The following ZFPM1 variants were observed in gnomAD, a reference collection of about 807,000 sequenced individuals.
ZFPM1 encodes the protein zinc finger protein ZFPM1.
A neutral mutation model predicts 46.3 loss-of-function variants in ZFPM1; 28 were observed. The observed-to-expected ratio is 0.60, with a 90% CI of 0.45 to 0.83. ZFPM1 has a LOEUF of 0.83. Ranked by LOEUF, ZFPM1 falls within the 40% of genes least tolerant of loss-of-function variation. ZFPM1 has a pLI of 0.00. For missense variants in ZFPM1, 1,878 were observed against 1,432.4 expected (o/e 1.31, Z -5.02); for synonymous variants, 957 against 675.9 (o/e 1.42, Z -6.45).
intron 1 of ZFPM1, among the ~76,000 whole-genome samples, chr16:88,485,063 C>T (rs577344188): frequency 6.6e-6 from 1 of 152,302 alleles, no homozygotes; most frequent in South Asian, 2.1e-4. Context: ...AGGGTGTCAC[C>T]CCAGGGAGTT....
At chr16:88,483,989 C>A (rs1033004958) in intron 1 of ZFPM1, among the ~76,000 whole-genome samples, 1 of 152,226 alleles carries the variant, frequency 6.6e-6, no homozygotes, top group Non-Finnish European at 1.5e-5. Context: ...CTGAACCTGG[C>A]GTTGGACGCT....
At chr16:88,499,949 G>A (rs1381960978) in intron 3 of ZFPM1, among the ~76,000 whole-genome samples, 4 of 152,230 alleles carry the variant, frequency 2.6e-5, no homozygotes, top group Admixed American at 2.6e-4. Context: ...CGGAGCCCTG[G>A]GTCTCCAGCC....
At chr16:88,473,518 G>T (rs1224006648) in intron 1 of ZFPM1, among the ~76,000 whole-genome samples, 1 of 152,210 alleles carries the variant, frequency 6.6e-6, no homozygotes. Context: ...GCTGCCCCGG[G>T]GTCTGGGTGC....
Position 88,471,027 on chromosome 16 carries a change from G to A in ZFPM1, c.41-14912G>A, listed in dbSNP as rs896050817. Reference sequence around the variant, plus strand: ...TCACCCGGTGGGGTCCAGCCTCCGCGACAGGCATTCCCTTCCCCGTGTGCC... The same window carrying A: ...TCACCCGGTGGGGTCCAGCCTCCGCAACAGGCATTCCCTTCCCCGTGTGCC... On this transcript the variant is annotated intron_variant, in intron 1 of 9. Coordinates refer to ENST00000319555, the MANE Select transcript of ZFPM1 (RefSeq NM_153813.3). This position sits in a 1 kb window ranked among gnomAD's most constrained non-coding sequence, Gnocchi z 4.1. Among the ~76,000 whole-genome samples, 19 of 152,270 alleles carry A rather than the reference G, an allele frequency of 1.2e-4. No individual in the cohort carries two copies. In the East Asian group the frequency reaches 3.7e-3, roughly 29 times the overall value.
chr16:88,516,651 A>C (rs1317450996), intron 4 of ZFPM1: 1 of 398,500 alleles, frequency 2.5e-6, no homozygotes, highest in African/African-American at 2.1e-5. Flanking sequence ...CCGATACTTC[A>C]TTTATTGTCT....
intron 3 of ZFPM1, among the ~76,000 whole-genome samples, chr16:88,507,603 G>A (rs890778736): frequency 6.6e-6 from 1 of 152,240 alleles, no homozygotes; most frequent in Non-Finnish European, 1.5e-5. Context: ...CATAGCCTGG[G>A]TTGGGTCTTG....
intron 4 of ZFPM1, among the ~76,000 whole-genome samples, chr16:88,520,520 G>A (rs1319095814): frequency 6.6e-6 from 1 of 150,420 alleles, no homozygotes; most frequent in Non-Finnish European, 1.5e-5. Flanking sequence ...ATAGATGAAT[G>A]GATGAATGAA....
In ZFPM1 at chr16:88,535,113, G is replaced by T; in HGVS notation, c.*134G>T. 1 of 1,132,692 alleles carries T rather than the reference G, an allele frequency of 8.8e-7. No homozygotes were observed. Among genetic ancestry groups the T allele is most frequent in the Non-Finnish European group, 1.1e-6 (1 of 872,600 alleles). 70.2% of individuals were successfully genotyped at this position (1,132,692 alleles called of 1,614,324 possible). ...GCCTCGGCGGAGGGGGCCGCAGGGG[G>T]CAGCGCCCGCCTGGACCCTTGGCAC... is the stretch of plus-strand genomic sequence containing the variant. On this transcript the variant is annotated 3_prime_UTR_variant, in exon 10 of 10. Transcript: ENST00000319555.
chr16:88,496,840 T>C (rs1022925122), intron 3 of ZFPM1, among the ~76,000 whole-genome samples: 3 of 152,150 alleles, frequency 2.0e-5, no homozygotes, highest in Non-Finnish European at 4.4e-5. Context: ...TGGCAGCCAG[T>C]CCTGCAGGGG....
At chr16:88,514,601 T>A in intron 4 of ZFPM1, 81 bp downstream of exon 4, 1 of 1,443,702 alleles carries the variant, frequency 6.9e-7, no homozygotes, top group East Asian at 2.5e-5. Context: ...CCAGCTTAGA[T>A]GCCAGCTCCG....
chr16:88,527,954 C>T (rs1462673422), intron 5 of ZFPM1, 78 bp from the exon 6 acceptor site: 1 of 1,409,108 alleles, frequency 7.1e-7, no homozygotes, highest in Non-Finnish European at 9.5e-7. Flanking sequence ...CTCCTGACCC[C>T]ATCCTCTGCC....
Position 88,501,681 on chromosome 16 carries a change from T to C in ZFPM1, c.268+12528T>C, listed in dbSNP as rs769648464. 9.8e-4 allele frequency among the ~76,000 whole-genome samples: 121 copies of C among 122,972 alleles called. 10 individuals carry two copies. Among genetic ancestry groups the C allele is most frequent in the African/African-American group, 2.7e-3 (79 of 29,004 alleles). The allele number at this position is 122,972 out of a possible 152,430, so 80.7% of individuals were successfully genotyped here. A position where few individuals can be genotyped will look rare whatever the true frequency, so the allele number is the denominator to read the frequency against. Reference sequence around the variant, plus strand: ...TGCTGGTGATGATAGAGATAGCGGGTGTGGGTGCAGGGCCTCTCCCGCAGG... The same window carrying C: ...TGCTGGTGATGATAGAGATAGCGGGCGTGGGTGCAGGGCCTCTCCCGCAGG... On this transcript the variant is annotated intron_variant, in intron 3 of 9. Coordinates refer to ENST00000319555, the MANE Select transcript of ZFPM1 (RefSeq NM_153813.3).
intron 1 of ZFPM1, among the ~76,000 whole-genome samples, chr16:88,463,014 C>T (rs1028484310): frequency 1.3e-5 from 2 of 152,188 alleles, no homozygotes; most frequent in Non-Finnish European, 2.9e-5. Context: ...GTCTCTGTCA[C>T]GGCTGGCCTT....
rs117399572 is a variant in ZFPM1 at position 88,525,645 on chromosome 16, G to A, written c.403-1169G>A. Among the ~76,000 whole-genome samples the A allele has an allele frequency of 9.5e-4, 145 of 152,352 alleles. 2 individuals carry two copies. The East Asian group carries it at 0.026, about 27-fold the overall frequency. ...GGCTGAGGGTCAGGGCACTGAGGCT[G>A]AGTCAGCCTTGCAGGAGGGACCGAG... On this transcript the variant is annotated intron_variant, in intron 4 of 9. Transcript: ENST00000319555.
chr16:88,498,590 G>A (rs541363088), intron 3 of ZFPM1, among the ~76,000 whole-genome samples: 18 of 152,328 alleles, frequency 1.2e-4, no homozygotes, highest in Admixed American at 5.2e-4. Flanking sequence ...CCACATGTCC[G>A]AGGGGCAGGC....
intron 1 of ZFPM1, among the ~76,000 whole-genome samples, chr16:88,470,363 T>C (rs1187056752): frequency 3.9e-5 from 6 of 152,194 alleles, no homozygotes; most frequent in Non-Finnish European, 8.8e-5. Flanking sequence ...GTGCTGGGCA[T>C]GGTCCAGGGA....
chr16:88,483,550 C>A (rs1909060686), intron 1 of ZFPM1, among the ~76,000 whole-genome samples: 5 of 152,254 alleles, frequency 3.3e-5, no homozygotes. Flanking sequence ...CAGCCCCTCC[C>A]ATCCCCGTGT....
chr16:88,519,935 GTGGATGGA>G (rs368348204), intron 4 of ZFPM1, among the ~76,000 whole-genome samples: 3,457 of 149,616 alleles, frequency 0.023, 55 homozygotes, highest in South Asian at 0.082. Context: ...AGATGGATGA[GTGGATGGA>G]TGGATGAATG....
chr16:88,513,286 G>C (rs1010640727), intron 3 of ZFPM1: 2 of 152,262 alleles, frequency 1.3e-5, no homozygotes, highest in African/African-American at 2.4e-5. Context: ...GTCCTGGTTC[G>C]CTGCCATCTT....
Sources: allele counts gnomAD v4.1 joint callset (sites outside exome capture counted in the v4.1 genomes callset), GRCh38; gene constraint gnomAD v4.1.1; non-coding constraint Gnocchi (gnomAD v3.1); transcripts MANE v1.5; gene names NCBI Gene and HGNC (gene_info 2026-07-23, HGNC 2026-07-21).